DISC1: variants seen among roughly 807,000 people sequenced by gnomAD.
DISC1 encodes the protein DISC1 scaffold protein, also known as disrupted in schizophrenia 1 protein.
DISC1 carries 57 observed loss-of-function variants against 84.5 expected under a neutral mutation model. That is an observed-to-expected ratio of 0.67 (90% CI 0.55 to 0.84). The LOEUF is 0.84. Ranked by LOEUF, DISC1 falls within the 40% of genes least tolerant of loss-of-function variation. DISC1 has a pLI of 0.00. For missense variants in DISC1, 1,000 were observed against 1,057.8 expected, an observed-to-expected ratio of 0.95 and a Z score of 0.76; for synonymous variants, 411 against 415.2, an observed-to-expected ratio of 0.99 and a Z score of 0.12.
intron 7 of DISC1, among the ~76,000 whole-genome samples, chr1:231,798,142 C>G (rs986767734): frequency 6.6e-6 from 1 of 151,738 alleles, no homozygotes; most frequent in East Asian, 1.9e-4. Flanking sequence ...CACATACACA[C>G]ACACCCCTAC....
chr1:231,922,417 G>A (rs552575459), intron 9 of DISC1, among the ~76,000 whole-genome samples: 10 of 152,244 alleles, frequency 6.6e-5, no homozygotes, highest in African/African-American at 1.9e-4. Flanking sequence ...CTGAGCCCAC[G>A]AAGCTTGTCC....
At chr1:231,812,616 T>C (rs200063168) in intron 8 of DISC1, among the ~76,000 whole-genome samples, 307 of 152,294 alleles carry the variant, frequency 2.0e-3, no homozygotes, top group Non-Finnish European at 3.2e-3. Context: ...CAGGTTTCAT[T>C]CCCTTGTTGA....
At chr1:231,728,003 A>C (rs1352556666) in intron 3 of DISC1, among the ~76,000 whole-genome samples, 1 of 152,112 alleles carries the variant, frequency 6.6e-6, no homozygotes, top group African/African-American at 2.4e-5. Context: ...AAATTATATT[A>C]TAAGATTGTT....
Position 231,817,047 on chromosome 1 carries a change from A to G in DISC1, c.1793-1282A>G, listed in dbSNP as rs145542788. On this transcript the variant is annotated intron_variant, in intron 8 of 12. Coordinates refer to ENST00000439617, the MANE Select transcript of DISC1 (RefSeq NM_018662.3). ...GTAGTGCCTGTTCAAAAGTGCAATC[A>G]TAGTGCACTACAGCCTCAAACTCAT... Among the ~76,000 whole-genome samples, 59 of 152,038 alleles carry G rather than the reference A, an allele frequency of 3.9e-4. 1 individual carries two copies. In the East Asian group the frequency reaches 0.011, roughly 29 times the overall value.
intron 9 of DISC1, among the ~76,000 whole-genome samples, chr1:231,888,773 C>T (rs2086978684): frequency 6.6e-6 from 1 of 151,748 alleles, no homozygotes. Flanking sequence ...AGTGTCCACC[C>T]CAGTGCCCCC....
chr1:231,636,588 A>G (rs1259947795), intron 1 of DISC1, among the ~76,000 whole-genome samples: 1 of 152,176 alleles, frequency 6.6e-6, no homozygotes, highest in African/African-American at 2.4e-5. Context: ...ATTTATTCAA[A>G]TATTTATTGT....
At chr1:231,801,821 GTTT>G (rs1270795717) in intron 8 of DISC1, among the ~76,000 whole-genome samples, 1 of 139,474 alleles carries the variant, frequency 7.2e-6, no homozygotes, top group Non-Finnish European at 1.6e-5. Context: ...AAGGATCTTG[GTTT>G]TTTTTTTTTT....
intron 9 of DISC1, among the ~76,000 whole-genome samples, chr1:231,917,392 G>A (rs966880638): frequency 1.3e-5 from 2 of 152,214 alleles, no homozygotes; most frequent in African/African-American, 4.8e-5. Context: ...ATTGCCTTAT[G>A]CCTTGAATAA....
intron 3 of DISC1, among the ~76,000 whole-genome samples, chr1:231,729,725 GACTAGCT>G (rs761844324): frequency 4.0e-4 from 22 of 55,440 alleles, no homozygotes; most frequent in Non-Finnish European, 7.5e-4. Context: ...TTTTTTTTTT[GACTAGCT>G]GTTGTATCTT....
chr1:231,761,123 G>A (rs180999714), intron 4 of DISC1, among the ~76,000 whole-genome samples: 109 of 152,170 alleles, frequency 7.2e-4, no homozygotes, highest in Middle Eastern at 6.8e-3. Context: ...GATTTTTCCC[G>A]TACTGGGGTG....
rs559000734 is a variant in DISC1 at position 231,694,343 on chromosome 1, C to T, written c.585C>T (p.Val195=). The part of the protein sequence containing the change: ...NSCSPGCGPE[V]PPTPPGSHSA... ...GCAGCCCTGGCTGTGGCCCTGAGGT[C>T]CCCCCAACCCCTCCTGGCTCTCACA... Residue 195 remains valine (V), a synonymous_variant, in exon 2 of 13, where the codon GTC becomes GTT. Coordinates refer to ENST00000439617, the MANE Select transcript of DISC1 (RefSeq NM_018662.3). 4 of 1,614,184 alleles carry T rather than the reference C, an allele frequency of 2.5e-6. No homozygotes were observed. Among genetic ancestry groups the T allele is most frequent in the South Asian group, 1.1e-5 (1 of 91,080 alleles).
At chr1:231,969,707 G>A (rs571206231) in intron 10 of DISC1, among the ~76,000 whole-genome samples, 1 of 150,226 alleles carries the variant, frequency 6.7e-6, no homozygotes, top group African/African-American at 2.5e-5. Context: ...CCATTAACTC[G>A]TCATTTACAT....
rs1013834333 is a variant in DISC1, at chr1:231,826,058, C to CT, written c.1981+7546dup. On this transcript the variant is annotated intron_variant, in intron 9 of 12. Coordinates refer to ENST00000439617, the MANE Select transcript of DISC1 (RefSeq NM_018662.3). The surrounding 1 kb of genome is among the most constrained non-coding windows in gnomAD (Gnocchi z 4.2). ...TTTAGTAACAAAGACTTATCTCTTT[C>CT]TTTTTGTTTCTCAAGCACTTGAGAA... Among the ~76,000 whole-genome samples the CT allele has an allele frequency of 6.6e-6, 1 of 152,206 alleles. No individual in the cohort carries two copies. Among genetic ancestry groups the CT allele is most frequent in the Non-Finnish European group, 1.5e-5 (1 of 68,030 alleles).
chr1:231,632,195 T>C lies in DISC1; in HGVS notation c.67+5261T>C, dbSNP rs1312950467. ...CATCTAGGTTTTTGTGAGTACACTC[T>C]ATGGTGTTTGCATGACAAAATGACC... is the stretch of plus-strand genomic sequence containing the variant. On this transcript the variant is annotated intron_variant, in intron 1 of 12. Coordinates refer to ENST00000439617, the MANE Select transcript of DISC1 (RefSeq NM_018662.3). Among the ~76,000 whole-genome samples, 3 of 152,340 alleles carry C rather than the reference T, an allele frequency of 2.0e-5. No homozygotes were observed. In the East Asian group the frequency reaches 5.8e-4, roughly 29 times the overall value.
chr1:231,641,783 A>C (rs1440174136), intron 1 of DISC1, among the ~76,000 whole-genome samples: 1 of 152,122 alleles, frequency 6.6e-6, no homozygotes, highest in Non-Finnish European at 1.5e-5. Flanking sequence ...GCATTCACAA[A>C]CCCTGAGTTA....
chr1:231,909,845 A>T (rs559944161), intron 9 of DISC1, among the ~76,000 whole-genome samples: 1 of 152,160 alleles, frequency 6.6e-6, no homozygotes, highest in Non-Finnish European at 1.5e-5. Context: ...TTATTGCCTC[A>T]ATTTCAGAGC....
chr1:231,649,270 T>C (rs1177227059), intron 1 of DISC1, among the ~76,000 whole-genome samples: 1 of 152,238 alleles, frequency 6.6e-6, no homozygotes, highest in African/African-American at 2.4e-5. Context: ...TTGTTCGCAT[T>C]AGTTTCGAAG....
At chr1:231,825,081 G>A (rs1472897234) in intron 9 of DISC1, among the ~76,000 whole-genome samples, 1 of 152,066 alleles carries the variant, frequency 6.6e-6, no homozygotes, top group Non-Finnish European at 1.5e-5. Context: ...TTTATACTTT[G>A]TTCATTTATT....
At chr1:231,953,281 G>T (rs1658816228) in intron 9 of DISC1, among the ~76,000 whole-genome samples, 1 of 152,092 alleles carries the variant, frequency 6.6e-6, no homozygotes, top group Non-Finnish European at 1.5e-5. Context: ...AGGTTTTAGG[G>T]GTTCATGGTT....
Sources: gnomAD v4.1 joint callset for allele counts (sites outside exome capture counted in the v4.1 genomes callset) on GRCh38, gnomAD v4.1.1 for gene constraint, Gnocchi (gnomAD v3.1) non-coding constraint, MANE v1.5 for transcripts, NCBI Gene and HGNC (gene_info 2026-07-23, HGNC 2026-07-21) for gene names.